SLC24A3: variants seen among roughly 807,000 people sequenced by gnomAD.
SLC24A3 encodes sodium/potassium/calcium exchanger 3.
In SLC24A3, 28 loss-of-function variants were observed where a neutral mutation model predicts 75.8. That is an observed-to-expected ratio of 0.37 (90% CI 0.27 to 0.51). SLC24A3 has a LOEUF of 0.51. SLC24A3 is among the 20% of genes least tolerant of loss of function. The pLI, the probability that SLC24A3 is intolerant of heterozygous loss-of-function variation, is 0.94. For synonymous variants in SLC24A3, 372 were observed against 334.1 expected (o/e 1.11, Z -1.24); for missense variants, 663 against 847.8 (o/e 0.78, Z 2.71).
rs557129568 is a variant in SLC24A3, at chr20:19,539,786, C to A, written c.348+24222C>A. On this transcript the variant is annotated intron_variant, in intron 3 of 16. Transcript: ENST00000328041. ...GGAAAATTATCTGTTTTGACACTTA[C>A]GTTTGATGAAAAATGGGCAGCCATA... is the stretch of plus-strand genomic sequence containing the variant. 5.0e-4 allele frequency among the ~76,000 whole-genome samples: 76 copies of A among 152,200 alleles called. No individual in the cohort carries two copies. In the South Asian group the frequency reaches 0.015, roughly 31 times the overall value.
At chr20:19,363,079 G>T (rs1416341113) in intron 2 of SLC24A3, among the ~76,000 whole-genome samples, 1 of 152,192 alleles carries the variant, frequency 6.6e-6, no homozygotes, top group African/African-American at 2.4e-5. Flanking sequence ...TGGCCTGTGA[G>T]CTCCCCAGGT....
chr20:19,244,730 C>T (rs1191239774), intron 1 of SLC24A3, among the ~76,000 whole-genome samples: 1 of 152,152 alleles, frequency 6.6e-6, no homozygotes, highest in Non-Finnish European at 1.5e-5. Context: ...ATTGTGACTG[C>T]TTTGTGATGT....
intron 6 of SLC24A3, among the ~76,000 whole-genome samples, chr20:19,614,670 C>T (rs76080223): frequency 2.8e-3 from 424 of 152,304 alleles, no homozygotes; most frequent in Middle Eastern, 0.02. Context: ...CAAATTGTAG[C>T]GTTGGGAGAG....
chr20:19,521,082 C>A (rs569844740), intron 3 of SLC24A3, among the ~76,000 whole-genome samples: 20 of 152,220 alleles, frequency 1.3e-4, no homozygotes, highest in African/African-American at 4.8e-4. Flanking sequence ...TTATTCCTAG[C>A]CTAGCAGAGT....
chr20:19,337,184 C>G (rs1449187852), intron 2 of SLC24A3, among the ~76,000 whole-genome samples: 1 of 152,208 alleles, frequency 6.6e-6, no homozygotes, highest in Non-Finnish European at 1.5e-5. Context: ...GTGGCTCACG[C>G]CTGTAATCCC....
intron 3 of SLC24A3, among the ~76,000 whole-genome samples, chr20:19,523,923 C>T (rs1253401744): frequency 1.3e-5 from 2 of 152,124 alleles, no homozygotes; most frequent in East Asian, 3.9e-4. Flanking sequence ...TTTTCTGGAC[C>T]CTCACATCCT....
intron 2 of SLC24A3, among the ~76,000 whole-genome samples, chr20:19,454,653 T>C (rs1987548230): frequency 6.6e-6 from 1 of 152,118 alleles, no homozygotes; most frequent in Non-Finnish European, 1.5e-5. Context: ...ACATAAAAGG[T>C]GTAATTATCA....
At chr20:19,668,823 G>A (rs1273529685) in intron 8 of SLC24A3, among the ~76,000 whole-genome samples, 4 of 152,224 alleles carry the variant, frequency 2.6e-5, no homozygotes, top group African/African-American at 9.6e-5. Flanking sequence ...CCGGATGTAG[G>A]TGGTGCTGTG....
chr20:19,220,027 T>A (rs1004924458), intron 1 of SLC24A3, among the ~76,000 whole-genome samples: 27 of 152,324 alleles, frequency 1.8e-4, no homozygotes, highest in African/African-American at 6.3e-4. Flanking sequence ...ATGTAGATAT[T>A]TGAGACTTGG....
chr20:19,433,461 G>T (rs1987138602), intron 2 of SLC24A3, among the ~76,000 whole-genome samples: 1 of 152,176 alleles, frequency 6.6e-6, no homozygotes, highest in African/African-American at 2.4e-5. Flanking sequence ...AAGATGCAGA[G>T]TATTAAACTT....
chr20:19,286,609 C>T (rs1261081200), intron 2 of SLC24A3, among the ~76,000 whole-genome samples: 1 of 152,128 alleles, frequency 6.6e-6, no homozygotes, highest in Non-Finnish European at 1.5e-5. Flanking sequence ...AACATAGGGC[C>T]ACCCAACACC....
At chr20:19,628,202 C>CAAAAA (rs776701707) in intron 6 of SLC24A3, among the ~76,000 whole-genome samples, 34 of 51,716 alleles carry the variant, frequency 6.6e-4, no homozygotes, top group Non-Finnish European at 1.1e-3. Context: ...GACTCCATCT[C>CAAAAA]AAAAAAAAAA....
chr20:19,342,526 G>T (rs572936958), intron 2 of SLC24A3, among the ~76,000 whole-genome samples: 2 of 152,196 alleles, frequency 1.3e-5, no homozygotes, highest in Non-Finnish European at 2.9e-5. Flanking sequence ...TTATAAATTA[G>T]GTTGTTGAAT....
At chr20:19,671,524 T>C (rs1046789043) in intron 8 of SLC24A3, among the ~76,000 whole-genome samples, 1 of 151,662 alleles carries the variant, frequency 6.6e-6, no homozygotes, top group Non-Finnish European at 1.5e-5. Context: ...AGACACAGAG[T>C]CCGATGGATA....
chr20:19,615,056 T>C (rs2031719841), intron 6 of SLC24A3, among the ~76,000 whole-genome samples: 1 of 91,740 alleles, frequency 1.1e-5, no homozygotes, highest in African/African-American at 2.9e-5. Flanking sequence ...CTTAAACAGA[T>C]CTGTAAGGGT....
intron 1 of SLC24A3, among the ~76,000 whole-genome samples, chr20:19,264,939 A>G (rs892733908): frequency 2.0e-5 from 3 of 152,112 alleles, no homozygotes; most frequent in African/African-American, 4.8e-5. Context: ...GCATGTTTAT[A>G]TATGCTTTTC....
rs748604469 is a variant in SLC24A3 at position 19,502,992 on chromosome 20, G to A, written c.272-12496G>A. ...CAGTGAGCCATGATAGTGTTACTGC[G>A]CTCCAGCCCTGGCAACAGAGTGAGA... On this transcript the variant is annotated intron_variant, in intron 2 of 16. Transcript: ENST00000328041. Among the ~76,000 whole-genome samples the A allele has an allele frequency of 7.4e-5, 11 of 147,808 alleles. 1 individual carries two copies. Among genetic ancestry groups the A allele is most frequent in the South Asian group, 2.2e-4 (1 of 4,616 alleles).
At chr20:19,367,383 G>C (rs1447007750) in intron 2 of SLC24A3, among the ~76,000 whole-genome samples, 1 of 152,148 alleles carries the variant, frequency 6.6e-6, no homozygotes, top group Non-Finnish European at 1.5e-5. Flanking sequence ...GATAACCGAG[G>C]CTTGAAATTT....
intron 3 of SLC24A3, among the ~76,000 whole-genome samples, chr20:19,575,254 CAAAAA>C (rs34789411): frequency 1.2e-4 from 9 of 72,642 alleles, no homozygotes; most frequent in African/African-American, 4.3e-4. Flanking sequence ...GAGACACTCT[CAAAAA>C]AAAAAAAAAA....
Sources: allele counts gnomAD v4.1 joint callset (sites outside exome capture counted in the v4.1 genomes callset), GRCh38; gene constraint gnomAD v4.1.1; transcripts MANE v1.5; gene names NCBI Gene and HGNC (gene_info 2026-07-23, HGNC 2026-07-21).